The following C12orf42 variants were observed in gnomAD, a reference collection of about 807,000 sequenced individuals.
C12orf42 encodes chromosome 12 open reading frame 42.
In C12orf42, 25 loss-of-function variants were observed where a neutral mutation model predicts 21.6. The ratio of observed to expected loss-of-function variants is 1.16; its 90% confidence interval spans 0.84 to 1.62. C12orf42 has a LOEUF of 1.62. Among genes scored for constraint, C12orf42 ranks in the 40% most tolerant of loss-of-function variants. The probability of loss-of-function intolerance (pLI) is 0.00; values close to 1 mark genes in which losing one functional copy is unlikely to be tolerated. For synonymous variants in C12orf42, 174 were observed against 175.0 expected (o/e 0.99, Z 0.05); for missense variants, 483 against 459.3 (o/e 1.05, Z -0.47).
chr12:103,386,108 G>A (rs2046589695), intron 3 of C12orf42, among the ~76,000 whole-genome samples: 2 of 152,218 alleles, frequency 1.3e-5, no homozygotes, highest in East Asian at 1.9e-4. Flanking sequence ...CACATATGCA[G>A]ATGAGAAAGC....
intron 4 of C12orf42, among the ~76,000 whole-genome samples, chr12:103,280,129 T>C (rs767124911): frequency 1.3e-5 from 2 of 152,162 alleles, no homozygotes; most frequent in Non-Finnish European, 2.9e-5. Flanking sequence ...CCTCACTTCA[T>C]TCTTACAATA....
At chr12:103,317,378 C>T (rs1255133314) in intron 4 of C12orf42, among the ~76,000 whole-genome samples, 1 of 152,194 alleles carries the variant, frequency 6.6e-6, no homozygotes, top group Admixed American at 6.5e-5. Flanking sequence ...ATAGTTCATC[C>T]TCCTCCCAGG....
At chr12:103,103,664 T>C in the C12orf42 span, among the ~76,000 whole-genome samples, 1 of 152,212 alleles carries the variant, frequency 6.6e-6, no homozygotes, top group African/African-American at 2.4e-5. Context: ...AAATAAAATG[T>C]AAGCACACTG....
intron 3 of C12orf42, among the ~76,000 whole-genome samples, chr12:103,380,674 T>G (rs1437958606): frequency 6.6e-6 from 1 of 152,240 alleles, no homozygotes; most frequent in Admixed American, 6.5e-5. Context: ...AAAAATAGCA[T>G]TATTTTCCTT....
At chr12:103,275,842 T>C (rs2035741604) in intron 5 of C12orf42, among the ~76,000 whole-genome samples, 1 of 151,698 alleles carries the variant, frequency 6.6e-6, no homozygotes. Context: ...GTAATCCCAG[T>C]GACTTGGGAG....
chr12:103,217,329 C>T, the C12orf42 span, among the ~76,000 whole-genome samples: 1 of 151,968 alleles, frequency 6.6e-6, no homozygotes. Context: ...CCAGCCTGGT[C>T]AGCATAGCAA....
chr12:103,369,079 C>A (rs1356491950), intron 3 of C12orf42, 81 bp from the exon 4 acceptor site: 1 of 658,134 alleles, frequency 1.5e-6, no homozygotes, highest in Non-Finnish European at 2.6e-6. Flanking sequence ...AGCACTCTTA[C>A]TTCCCTAAAG....
intron 4 of C12orf42, among the ~76,000 whole-genome samples, chr12:103,343,550 G>A (rs536539473): frequency 1.3e-3 from 201 of 152,076 alleles, no homozygotes; most frequent in African/African-American, 4.6e-3. Context: ...AGGCCGAGGC[G>A]GGCGGATCAC....
At chr12:103,415,474 T>A (rs1371872587) in intron 2 of C12orf42, among the ~76,000 whole-genome samples, 1 of 152,136 alleles carries the variant, frequency 6.6e-6, no homozygotes, top group African/African-American at 2.4e-5. Context: ...CCACAGAATA[T>A]ATATTCTTCT....
intron 4 of C12orf42, among the ~76,000 whole-genome samples, chr12:103,331,094 A>G (rs928066572): frequency 6.6e-6 from 1 of 152,210 alleles, no homozygotes; most frequent in Non-Finnish European, 1.5e-5. Flanking sequence ...CAATAAACCC[A>G]GCATAAGTTG....
chr12:103,493,135 G>A (rs1057346399), intron 1 of C12orf42, among the ~76,000 whole-genome samples: 1 of 152,126 alleles, frequency 6.6e-6, no homozygotes, highest in Non-Finnish European at 1.5e-5. Context: ...CAAAGCAGAG[G>A]TAGTGGTGAT....
At chr12:103,059,594 C>A in the C12orf42 span, among the ~76,000 whole-genome samples, 1 of 152,166 alleles carries the variant, frequency 6.6e-6, no homozygotes, top group Non-Finnish European at 1.5e-5. Context: ...TACTGGCAAA[C>A]TGAATCCAGC....
At chr12:103,395,609 A>G (rs1327917472) in intron 3 of C12orf42, among the ~76,000 whole-genome samples, 1 of 152,210 alleles carries the variant, frequency 6.6e-6, no homozygotes, top group Non-Finnish European at 1.5e-5. Flanking sequence ...AGCTGGGATT[A>G]CAGGCGTGAG....
chr12:103,370,543 G>A (rs1335391241), intron 3 of C12orf42, among the ~76,000 whole-genome samples: 1 of 152,092 alleles, frequency 6.6e-6, no homozygotes, highest in Non-Finnish European at 1.5e-5. Flanking sequence ...GGAATACTAT[G>A]CAGCCATAAA....
the C12orf42 span, among the ~76,000 whole-genome samples, chr12:103,188,257 T>A: frequency 1.3e-5 from 2 of 152,224 alleles, no homozygotes; most frequent in Non-Finnish European, 2.9e-5. Flanking sequence ...TTTTTGGCAA[T>A]GTCTAACATG....
the C12orf42 span, among the ~76,000 whole-genome samples, chr12:103,531,853 G>A: frequency 6.6e-6 from 1 of 152,124 alleles, no homozygotes; most frequent in Admixed American, 6.5e-5. Context: ...TAAGAGTTTT[G>A]CTTTAACCTA....
intron 2 of C12orf42, among the ~76,000 whole-genome samples, chr12:103,440,116 G>A (rs1321597882): frequency 1.4e-5 from 2 of 144,120 alleles, no homozygotes; most frequent in African/African-American, 5.1e-5. Context: ...TAGGGACATG[G>A]ATGAAATTGG....
At position 103,401,603 on chromosome 12, in the gene C12orf42, T is replaced by C. The variant is rs764567979; in HGVS notation, c.147+4A>G. On this transcript the variant is annotated splice_donor_region_variant and intron_variant, in intron 3 of 5. Transcript: ENST00000548883. Reference sequence around the variant, plus strand: ...GCCCTGCACATAACATTCCGCTGACTCACCTTTGCACTGGGTGTGCTTCTA... The same window carrying C: ...GCCCTGCACATAACATTCCGCTGACCCACCTTTGCACTGGGTGTGCTTCTA... The C allele has an allele frequency of 6.2e-7, 1 of 1,613,610 alleles. No individual in the cohort carries two copies. The highest frequency in any genetic ancestry group is 1.1e-5 in the South Asian group (1 of 91,046).
At chr12:103,522,146 GT>G in the C12orf42 span, among the ~76,000 whole-genome samples, 1 of 152,120 alleles carries the variant, frequency 6.6e-6, no homozygotes, top group Admixed American at 6.5e-5. Flanking sequence ...CATGGGGGCT[GT>G]TTCCCCCATA....
Sources: gnomAD v4.1 joint callset for allele counts (sites outside exome capture counted in the v4.1 genomes callset) on GRCh38, gnomAD v4.1.1 for gene constraint, MANE v1.5 for transcripts, NCBI Gene and HGNC (gene_info 2026-07-23, HGNC 2026-07-21) for gene names.